The following NCAM1 variants were observed in gnomAD, a reference collection of about 807,000 sequenced individuals.
NCAM1 encodes neural cell adhesion molecule 1.
A neutral mutation model predicts 109.8 loss-of-function variants in NCAM1; 14 were observed. That is an observed-to-expected ratio of 0.13 (90% CI 0.08 to 0.20). The LOEUF (loss-of-function observed/expected upper bound fraction) is 0.20, where lower values mean the gene tolerates loss of function less well. NCAM1 is among the 10% of genes least tolerant of loss of function. The pLI is 1.00. For missense variants in NCAM1, 774 were observed against 1,109.9 expected, an observed-to-expected ratio of 0.70 and a Z score of 4.30; for synonymous variants, 418 against 442.9, an observed-to-expected ratio of 0.94 and a Z score of 0.70.
intron 1 of NCAM1, among the ~76,000 whole-genome samples, chr11:113,159,434 A>G (rs1591375011): frequency 6.6e-6 from 1 of 152,156 alleles, no homozygotes; most frequent in East Asian, 1.9e-4. Flanking sequence ...AGTGGCAAGT[A>G]AGTCTCCATT....
At chr11:113,160,653 C>A (rs146793015) in intron 1 of NCAM1, among the ~76,000 whole-genome samples, 1 of 152,284 alleles carries the variant, frequency 6.6e-6, no homozygotes, top group African/African-American at 2.4e-5. Context: ...TCAGAAACTG[C>A]CTGTGTTATT....
chr11:113,184,822 C>G (rs886655331), intron 1 of NCAM1, among the ~76,000 whole-genome samples: 29 of 152,112 alleles, frequency 1.9e-4, no homozygotes, highest in African/African-American at 6.3e-4. Flanking sequence ...GCTAGGTGGA[C>G]CAAGGATGTC....
chr11:113,109,373 G>A (rs1407386037), intron 1 of NCAM1, among the ~76,000 whole-genome samples: 1 of 151,494 alleles, frequency 6.6e-6, no homozygotes, highest in Non-Finnish European at 1.5e-5. Flanking sequence ...AAACAGAGGA[G>A]GGAGGAATTG....
At chr11:113,207,208 T>C (rs1172242145) in intron 5 of NCAM1, 53 bp from the exon 6 acceptor site, 128 of 1,466,654 alleles carry the variant, frequency 8.7e-5, no homozygotes, top group Non-Finnish European at 1.1e-4. Flanking sequence ...CTCCAGGCCA[T>C]TGGGTTCTTC....
chr11:113,201,674 G>C (rs1344160173), intron 1 of NCAM1, among the ~76,000 whole-genome samples: 3 of 152,208 alleles, frequency 2.0e-5, no homozygotes, highest in African/African-American at 7.2e-5. Context: ...TAAATATTCA[G>C]GGAAAGTAGC....
chr11:113,043,450 C>A (rs1953149519), intron 1 of NCAM1, among the ~76,000 whole-genome samples: 1 of 152,186 alleles, frequency 6.6e-6, no homozygotes, highest in African/African-American at 2.4e-5. Flanking sequence ...GATTCTCCTG[C>A]CCCAGCCTCC....
At chr11:112,995,220 A>C (rs1025537182) in intron 1 of NCAM1, among the ~76,000 whole-genome samples, 1 of 152,328 alleles carries the variant, frequency 6.6e-6, no homozygotes, top group East Asian at 1.9e-4. Context: ...AAGCATTAAA[A>C]GGACATATGA....
chr11:112,981,110 A>T (rs1591210635), intron 1 of NCAM1, among the ~76,000 whole-genome samples: 2 of 151,872 alleles, frequency 1.3e-5, no homozygotes, highest in South Asian at 4.1e-4. Flanking sequence ...TTACCACATT[A>T]CTACAGTAGT....
intron 16 of NCAM1, among the ~76,000 whole-genome samples, chr11:113,256,511 G>C (rs1296069656): frequency 1.3e-5 from 2 of 152,140 alleles, no homozygotes; most frequent in Non-Finnish European, 2.9e-5. Flanking sequence ...ACGCAGCTGG[G>C]TGAGGCAGTT....
chr11:112,990,609 G>C (rs1236460275), intron 1 of NCAM1, among the ~76,000 whole-genome samples: 1 of 152,206 alleles, frequency 6.6e-6, no homozygotes, highest in African/African-American at 2.4e-5. Context: ...CTGAAGCCAA[G>C]TCTCTTGGCC....
chr11:113,060,638 G>A (rs1179164340), intron 1 of NCAM1, among the ~76,000 whole-genome samples: 1 of 152,146 alleles, frequency 6.6e-6, no homozygotes, highest in Non-Finnish European at 1.5e-5. Flanking sequence ...TGGGAGATTC[G>A]GAAGGTTTCC....
chr11:113,222,596 A>G (rs1426241644), intron 9 of NCAM1, among the ~76,000 whole-genome samples: 3 of 152,098 alleles, frequency 2.0e-5, no homozygotes, highest in African/African-American at 7.2e-5. Flanking sequence ...AAAGTCATGG[A>G]CCCACTGGGA....
chr11:113,008,197 A>G (rs1951937742), intron 1 of NCAM1, among the ~76,000 whole-genome samples: 2 of 152,172 alleles, frequency 1.3e-5, no homozygotes, highest in African/African-American at 4.8e-5. Context: ...AATATAAGTT[A>G]TGACACTTTT....
chr11:113,150,878 G>A (rs1942201263), intron 1 of NCAM1, among the ~76,000 whole-genome samples: 1 of 152,194 alleles, frequency 6.6e-6, no homozygotes, highest in Non-Finnish European at 1.5e-5. Flanking sequence ...CAAGGAGGAA[G>A]GGATGATCAA....
chr11:113,043,230 T>C (rs142645460), intron 1 of NCAM1, among the ~76,000 whole-genome samples: 3 of 152,302 alleles, frequency 2.0e-5, no homozygotes, highest in Non-Finnish European at 4.4e-5. Flanking sequence ...GGATTTCAAA[T>C]AGAGGTGTGA....
intron 1 of NCAM1, among the ~76,000 whole-genome samples, chr11:112,987,219 T>C (rs143492430): frequency 1.3e-5 from 2 of 152,292 alleles, no homozygotes; most frequent in African/African-American, 4.8e-5. Flanking sequence ...TCCTCCTGTT[T>C]TTGATTTCTG....
chr11:113,151,170 G>T (rs1287080751), intron 1 of NCAM1, among the ~76,000 whole-genome samples: 1 of 152,156 alleles, frequency 6.6e-6, no homozygotes, highest in Non-Finnish European at 1.5e-5. Flanking sequence ...CAGTCCTCTG[G>T]CTCTTAATGA....
chr11:113,221,456 G>A, intron 9 of NCAM1, 131 bp downstream of exon 9: 1 of 925,148 alleles, frequency 1.1e-6, no homozygotes, highest in Non-Finnish European at 1.7e-6. Flanking sequence ...GATAGTGGTA[G>A]ACATTACTTA....
At chr11:113,097,372 T>TA (rs1555090626) in intron 1 of NCAM1, among the ~76,000 whole-genome samples, 1 of 152,268 alleles carries the variant, frequency 6.6e-6, no homozygotes, top group Non-Finnish European at 1.5e-5. Context: ...ACTTCTTATA[T>TA]TTTTCCAAGA....
Sources: allele counts gnomAD v4.1 joint callset (sites outside exome capture counted in the v4.1 genomes callset), GRCh38; gene constraint gnomAD v4.1.1; transcripts MANE v1.5; gene names NCBI Gene and HGNC (gene_info 2026-07-23, HGNC 2026-07-21).